Variants in PDE5A observed in about 807,000 individuals in gnomAD.
PDE5A encodes the protein phosphodiesterase 5A, also known as cGMP-specific 3',5'-cyclic phosphodiesterase.
In PDE5A, 67 loss-of-function variants were observed where a neutral mutation model predicts 110.2. That is an observed-to-expected ratio of 0.61 (90% CI 0.50 to 0.75). The LOEUF (loss-of-function observed/expected upper bound fraction) is 0.75. Ranked by LOEUF, PDE5A falls within the 30% of genes least tolerant of loss-of-function variation. The pLI is 0.00. For missense variants in PDE5A, 862 were observed against 1,045.1 expected (o/e 0.82, Z 2.42); for synonymous variants, 328 against 351.2 (o/e 0.93, Z 0.74).
chr4:119,500,006 T>A (rs1215643371), intron 20 of PDE5A: 1 of 151,998 alleles, frequency 6.6e-6, no homozygotes, highest in Non-Finnish European at 1.5e-5. Flanking sequence ...AAGGATAACA[T>A]CTATAATAGG....
At chr4:119,533,065 A>T (rs1276450546) in intron 11 of PDE5A, among the ~76,000 whole-genome samples, 3 of 152,294 alleles carry the variant, frequency 2.0e-5, no homozygotes, top group African/African-American at 4.8e-5. Flanking sequence ...TAAAATGTCA[A>T]ATTCTTCCAA....
At chr4:119,500,265 T>G (rs1199578186) in intron 20 of PDE5A, 1 of 150,674 alleles carries the variant, frequency 6.6e-6, no homozygotes, top group Non-Finnish European at 1.5e-5. Context: ...ACACCTAGTT[T>G]TTTTTTTTTT....
At chr4:119,541,116 T>C (rs1386345737) in intron 10 of PDE5A, among the ~76,000 whole-genome samples, 1 of 152,026 alleles carries the variant, frequency 6.6e-6, no homozygotes, top group Non-Finnish European at 1.5e-5. Flanking sequence ...ATAATGGTCA[T>C]GGGTTGATAA....
intron 2 of PDE5A, 47 bp downstream of exon 2, chr4:119,606,662 T>C: frequency 2.2e-6 from 3 of 1,394,508 alleles, no homozygotes; most frequent in Non-Finnish European, 3.0e-6. Context: ...GCCCCAGCCA[T>C]AGTCCCCTCC....
intron 3 of PDE5A, among the ~76,000 whole-genome samples, chr4:119,592,487 A>AAAAAAAAAAAAAAG (rs70944896): frequency 7.3e-6 from 1 of 136,958 alleles, no homozygotes; most frequent in African/African-American, 2.7e-5. Flanking sequence ...AAAAAAAAAA[A>AAAAAAAAAAAAAAG]GCTGTGTTCT....
At chr4:119,602,843 A>T (rs186153957) in intron 2 of PDE5A, among the ~76,000 whole-genome samples, 1 of 152,280 alleles carries the variant, frequency 6.6e-6, no homozygotes, top group African/African-American at 2.4e-5. Context: ...TCAAGGCCAC[A>T]TAAGTGGCAA....
chr4:119,521,090 A>G, intron 12 of PDE5A, 30 bp from the exon 13 acceptor site: 2 of 1,602,088 alleles, frequency 1.2e-6, no homozygotes, highest in Non-Finnish European at 1.7e-6. Flanking sequence ...AGTAGTAACA[A>G]TAATTGCCAA....
intron 1 of PDE5A, among the ~76,000 whole-genome samples, chr4:119,622,030 C>T (rs1730165022): frequency 6.6e-6 from 1 of 151,924 alleles, no homozygotes; most frequent in Non-Finnish European, 1.5e-5. Context: ...AAACATTAGC[C>T]AGGCATGGTG....
intron 14 of PDE5A, 71 bp downstream of exon 14, chr4:119,518,974 G>T: frequency 9.5e-7 from 1 of 1,054,786 alleles, no homozygotes; most frequent in Non-Finnish European, 1.5e-6. Context: ...TTTTGCTGTG[G>T]CTTTAACTTA....
rs773041174 is a variant in PDE5A at position 119,611,883 on chromosome 4, T to G, written c.153-4586A>C. On this transcript the variant is annotated intron_variant, in intron 1 of 20. Transcript: ENST00000354960. ...TGAACCAACCACAAATAAAATTAAATCATTTCTCACACATCTTTCCCTTTG... is the reference window on the plus strand; with the variant it reads ...TGAACCAACCACAAATAAAATTAAAGCATTTCTCACACATCTTTCCCTTTG... Among the ~76,000 whole-genome samples the G allele has an allele frequency of 1.2e-4, 18 of 152,242 alleles. No individual in the cohort carries two copies. In the East Asian group the frequency reaches 1.4e-3, roughly 11 times the overall value.
At position 119,501,203 on chromosome 4, in the gene PDE5A, C is replaced by T. The variant is rs768653503; in HGVS notation, c.2457G>A (p.Gly819=). Residue 819 remains glycine (G), a synonymous_variant, in exon 20 of 21, where the codon GGG becomes GGA. Coordinates refer to ENST00000354960, the MANE Select transcript of PDE5A (RefSeq NM_001083.4). Reference sequence around the variant, plus strand: ...GTTGCAAGCAGATGGCATCTATGAACCCAACTTGCATACTTGGGATTTTGT... The same window carrying T: ...GTTGCAAGCAGATGGCATCTATGAATCCAACTTGCATACTTGGGATTTTGT... ...KKNKIPSMQV[G]FIDAICLQLY... is the part of the protein sequence containing the mutation. The T allele has an allele frequency of 6.2e-7, 1 of 1,612,346 alleles. No homozygotes were observed. The highest frequency in any genetic ancestry group is 8.5e-7 in the Non-Finnish European group (1 of 1,178,542).
At position 119,495,411 on chromosome 4, in the gene PDE5A, T is replaced by A. The variant is rs199591320; in HGVS notation, c.*3190A>T. 2.6e-5 allele frequency: 4 copies of A among 152,278 alleles called. No homozygotes were observed. Among genetic ancestry groups the A allele is most frequent in the South Asian group, 2.1e-4 (1 of 4,826 alleles). The allele number at this position is 152,278 out of a possible 1,614,324, so 9.4% of individuals were successfully genotyped here. On this transcript the variant is annotated 3_prime_UTR_variant, in exon 21 of 21. Transcript: ENST00000354960. ...TTCATAAGAGAGGATAACGATGACA[T>A]TTTGTATCCTCTCATATTAAATCAA...
At chr4:119,606,645 A>T in intron 2 of PDE5A, 64 bp downstream of exon 2, 1 of 1,149,762 alleles carries the variant, frequency 8.7e-7, no homozygotes, top group South Asian at 1.4e-5. Context: ...CCCCAGCCAT[A>T]GTACCCGCCC....
In PDE5A at chr4:119,497,400, T is replaced by C. The variant is rs540405694; in HGVS notation, c.*1201A>G. ...TCAAATTCTAAGAAAATATTAACTATACTAAATGTTATGGGAAGAAAATAC... is the reference window on the plus strand; with the variant it reads ...TCAAATTCTAAGAAAATATTAACTACACTAAATGTTATGGGAAGAAAATAC... On this transcript the variant is annotated 3_prime_UTR_variant, in exon 21 of 21. Transcript: ENST00000354960. 4 of 152,136 alleles carry C rather than the reference T, an allele frequency of 2.6e-5. No homozygotes were observed. The highest frequency in any genetic ancestry group is 4.4e-5 in the Non-Finnish European group (3 of 68,012). The allele number at this position is 152,136 out of a possible 1,614,324, so 9.4% of individuals were successfully genotyped here.
At chr4:119,534,492 A>G (rs1726663431) in intron 11 of PDE5A, among the ~76,000 whole-genome samples, 1 of 152,036 alleles carries the variant, frequency 6.6e-6, no homozygotes, top group South Asian at 2.1e-4. Flanking sequence ...CATACTGACT[A>G]TATCTCCATT....
intron 12 of PDE5A, among the ~76,000 whole-genome samples, chr4:119,521,945 C>T (rs142812724): frequency 6.6e-6 from 1 of 152,068 alleles, no homozygotes; most frequent in East Asian, 1.9e-4. Context: ...TGTGATTCTC[C>T]CTACATGTAT....
intron 20 of PDE5A, 72 bp downstream of exon 20, chr4:119,501,098 A>AATC: frequency 1.1e-6 from 1 of 885,132 alleles, no homozygotes; most frequent in Middle Eastern, 2.4e-4. Flanking sequence ...GCCTAATATT[A>AATC]ATCTCTTCAA....
intron 3 of PDE5A, among the ~76,000 whole-genome samples, chr4:119,577,473 A>G (rs1195163668): frequency 6.6e-6 from 1 of 152,204 alleles, no homozygotes; most frequent in Non-Finnish European, 1.5e-5. Flanking sequence ...CAGCACATCA[A>G]AAAGCTTATC....
intron 13 of PDE5A, among the ~76,000 whole-genome samples, chr4:119,520,305 A>G (rs1342290577): frequency 1.3e-5 from 2 of 152,136 alleles, no homozygotes; most frequent in African/African-American, 2.4e-5. Context: ...GGAATCACTT[A>G]CCTAGAATAA....
Sources: gnomAD v4.1 joint callset for allele counts (sites outside exome capture counted in the v4.1 genomes callset) on GRCh38, gnomAD v4.1.1 for gene constraint, MANE v1.5 for transcripts, NCBI Gene and HGNC (gene_info 2026-07-23, HGNC 2026-07-21) for gene names.